The following ACTL8 variants were observed in gnomAD, a reference collection of about 807,000 sequenced individuals.
The protein encoded by ACTL8 is actin-like protein 8.
A neutral mutation model predicts 9.3 loss-of-function variants in ACTL8; 3 were observed. The observed-to-expected ratio is 0.32, with a 90% CI of 0.15 to 0.83. The LOEUF (loss-of-function observed/expected upper bound fraction) is 0.83, where lower values mean the gene tolerates loss of function less well. Ranked by LOEUF, ACTL8 falls within the 40% of genes least tolerant of loss-of-function variation. ACTL8 has a pLI of 0.57. For missense variants in ACTL8, 381 were observed against 492.2 expected (o/e 0.77, Z 2.14); for synonymous variants, 224 against 205.9 (o/e 1.09, Z -0.75).
intron 1 of ACTL8, among the ~76,000 whole-genome samples, chr1:17,807,153 C>G (rs1383936406): frequency 6.6e-6 from 1 of 152,178 alleles, no homozygotes; most frequent in Non-Finnish European, 1.5e-5. Flanking sequence ...ATGGATAATC[C>G]AGGATAATCT....
At chr1:17,783,285 C>T (rs551507338) in intron 1 of ACTL8, among the ~76,000 whole-genome samples, 1 of 152,028 alleles carries the variant, frequency 6.6e-6, no homozygotes, top group East Asian at 1.9e-4. Flanking sequence ...CCATGCTGTT[C>T]CCGTGATAGT....
chr1:17,764,205 G>A (rs985553533), intron 1 of ACTL8, among the ~76,000 whole-genome samples: 1 of 152,132 alleles, frequency 6.6e-6, no homozygotes, highest in African/African-American at 2.4e-5. Flanking sequence ...TAGGTGTGAC[G>A]CAAGGGGTGG....
At chr1:17,787,259 G>A (rs2066204472) in intron 1 of ACTL8, among the ~76,000 whole-genome samples, 1 of 151,828 alleles carries the variant, frequency 6.6e-6, no homozygotes, top group Non-Finnish European at 1.5e-5. Context: ...CTCAATAGCT[G>A]TAGATCTAGT....
At chr1:17,770,280 C>T (rs535967248) in intron 1 of ACTL8, among the ~76,000 whole-genome samples, 12 of 152,322 alleles carry the variant, frequency 7.9e-5, no homozygotes, top group Admixed American at 3.9e-4. Flanking sequence ...TTTCTCTCCT[C>T]GTAGATTCAG....
At chr1:17,814,007 A>G (rs998177628) in intron 1 of ACTL8, among the ~76,000 whole-genome samples, 2 of 151,974 alleles carry the variant, frequency 1.3e-5, no homozygotes, top group African/African-American at 4.8e-5. Context: ...CTTTTTTCTT[A>G]GTCTTTGATC....
At chr1:17,809,064 C>T (rs1396524816) in intron 1 of ACTL8, among the ~76,000 whole-genome samples, 1 of 152,168 alleles carries the variant, frequency 6.6e-6, no homozygotes, top group Admixed American at 6.5e-5. Context: ...AGCTATCATG[C>T]CGCCAGCAAA....
At chr1:17,802,037 T>C (rs4920642) in intron 1 of ACTL8, among the ~76,000 whole-genome samples, 24,933 of 152,186 alleles carry the variant, frequency 0.16, 2,788 homozygotes, top group African/African-American at 0.31. Context: ...ACCTCTACTA[T>C]CCCAATGAGG....
At chr1:17,774,011 G>A (rs572553005) in intron 1 of ACTL8, among the ~76,000 whole-genome samples, 6 of 152,308 alleles carry the variant, frequency 3.9e-5, no homozygotes, top group African/African-American at 1.4e-4. Context: ...GAGGCCAGAT[G>A]GTGCAGGGGT....
chr1:17,776,434 C>T (rs1052491293), intron 1 of ACTL8, among the ~76,000 whole-genome samples: 19 of 152,168 alleles, frequency 1.2e-4, no homozygotes, highest in African/African-American at 3.6e-4. Flanking sequence ...TTGGCCCTCC[C>T]GCTGTGCCCC....
At chr1:17,794,200 T>G (rs74646049) in intron 1 of ACTL8, among the ~76,000 whole-genome samples, 2,823 of 152,288 alleles carry the variant, frequency 0.019, 91 homozygotes, top group African/African-American at 0.064. Flanking sequence ...GGGTAATATC[T>G]GAACCTAGGT....
chr1:17,822,053 G>A (rs2053666636), intron 1 of ACTL8, among the ~76,000 whole-genome samples: 1 of 152,286 alleles, frequency 6.6e-6, no homozygotes, highest in Non-Finnish European at 1.5e-5. Context: ...CCACTTTACA[G>A]ATGAAGAAAC....
chr1:17,782,444 A>C (rs1467394520), intron 1 of ACTL8, among the ~76,000 whole-genome samples: 4 of 152,212 alleles, frequency 2.6e-5, no homozygotes, highest in Non-Finnish European at 5.9e-5. Flanking sequence ...GGAAATATGC[A>C]GATAAGCCAA....
At chr1:17,784,905 A>G (rs2066184699) in intron 1 of ACTL8, among the ~76,000 whole-genome samples, 1 of 152,242 alleles carries the variant, frequency 6.6e-6, no homozygotes, top group Admixed American at 6.5e-5. Flanking sequence ...TTACAGTTCC[A>G]TGTGGCTGGG....
intron 1 of ACTL8, among the ~76,000 whole-genome samples, chr1:17,809,138 C>T (rs764643131): frequency 2.6e-5 from 4 of 152,098 alleles, no homozygotes; most frequent in Non-Finnish European, 5.9e-5. Flanking sequence ...ATGCCAGTTA[C>T]GTGGTAGAAA....
chr1:17,761,609 C>A (rs2066006441), intron 1 of ACTL8, among the ~76,000 whole-genome samples: 1 of 151,870 alleles, frequency 6.6e-6, no homozygotes, highest in Admixed American at 6.6e-5. Flanking sequence ...CTCGCTGTTT[C>A]ACCTAGGCTG....
Position 17,802,262 on chromosome 1 carries a change from C to T in ACTL8, c.-24-20723C>T, listed in dbSNP as rs542968831. Among the ~76,000 whole-genome samples, 6 of 152,298 alleles carry T rather than the reference C, an allele frequency of 3.9e-5. No homozygotes were observed. In the East Asian group the frequency reaches 9.7e-4, roughly 25 times the overall value. On this transcript the variant is annotated intron_variant, in intron 1 of 2. Transcript: ENST00000375406. Reference sequence around the variant, plus strand: ...CAGCACTACATACAACCAGCCTCCACGGTGTGTGGATTCAGGTTGCTGTTT... The same window carrying T: ...CAGCACTACATACAACCAGCCTCCATGGTGTGTGGATTCAGGTTGCTGTTT...
In ACTL8 at chr1:17,785,195, A is replaced by G. The variant is rs141272378; in HGVS notation, c.-25+29691A>G. ...ATCAGGTACCCAGAAGAGCCAGTCT[A>G]TATGATTGTTGGGCTACTTACTAGT... On this transcript the variant is annotated intron_variant, in intron 1 of 2. Coordinates refer to ENST00000375406, the MANE Select transcript of ACTL8 (RefSeq NM_030812.3). 5.8e-3 allele frequency among the ~76,000 whole-genome samples: 880 copies of G among 152,308 alleles called. 11 individuals are homozygous for G. The highest frequency in any genetic ancestry group is 0.019 in the African/African-American group (807 of 41,574).
chr1:17,764,752 C>T (rs1031670807), intron 1 of ACTL8, among the ~76,000 whole-genome samples: 17 of 152,216 alleles, frequency 1.1e-4, no homozygotes, highest in African/African-American at 3.6e-4. Flanking sequence ...TCTTGAGGCC[C>T]GCGTTCCTCC....
chr1:17,816,376 G>A (rs1479732559), intron 1 of ACTL8, among the ~76,000 whole-genome samples: 1 of 151,876 alleles, frequency 6.6e-6, no homozygotes, highest in East Asian at 1.9e-4. Context: ...TAATTTTTTT[G>A]TACTTTTGGG....
Sources: gnomAD v4.1 joint callset for allele counts (sites outside exome capture counted in the v4.1 genomes callset) on GRCh38, gnomAD v4.1.1 for gene constraint, MANE v1.5 for transcripts, NCBI Gene and HGNC (gene_info 2026-07-23, HGNC 2026-07-21) for gene names.